Variants in ACER3 observed in about 807,000 individuals in gnomAD.
ACER3 encodes alkaline ceramidase 3.
ACER3 carries 16 observed loss-of-function variants against 48.9 expected under a neutral mutation model. That is an observed-to-expected ratio of 0.33 (90% CI 0.22 to 0.50). The LOEUF (loss-of-function observed/expected upper bound fraction) is 0.50. Among genes scored for constraint, ACER3 ranks in the 20% least tolerant of loss-of-function variants. The pLI is 0.98. For missense variants in ACER3, 227 were observed against 326.0 expected, an observed-to-expected ratio of 0.70 and a Z score of 2.34; for synonymous variants, 109 against 107.8, an observed-to-expected ratio of 1.01 and a Z score of -0.07.
intron 4 of ACER3, among the ~76,000 whole-genome samples, chr11:76,983,884 G>A (rs539037937): frequency 1.3e-5 from 2 of 151,686 alleles, no homozygotes; most frequent in African/African-American, 2.4e-5. Context: ...TCTGCCTCCC[G>A]GATTCACGCG....
chr11:76,890,366 A>T (rs1473647702), intron 1 of ACER3, among the ~76,000 whole-genome samples: 1 of 152,216 alleles, frequency 6.6e-6, no homozygotes, highest in East Asian at 1.9e-4. Flanking sequence ...CGCAGAGTCT[A>T]ATATAGATTA....
At chr11:76,990,479 C>T (rs370653527) in intron 5 of ACER3, 60 bp from the exon 6 acceptor site, 19 of 1,177,108 alleles carry the variant, frequency 1.6e-5, no homozygotes, top group African/African-American at 1.0e-4. Context: ...TAATTGGAGT[C>T]GGTTTTTCCC....
At chr11:76,901,626 GCAATTC>G (rs769381692) in intron 1 of ACER3, among the ~76,000 whole-genome samples, 70 of 152,304 alleles carry the variant, frequency 4.6e-4, no homozygotes, top group Non-Finnish European at 8.8e-4. Flanking sequence ...CCCCGAGTGA[GCAATTC>G]CTGTCCCTTT....
intron 1 of ACER3, chr11:76,868,411 G>GTGTGTGTGTA: frequency 1.8e-6 from 1 of 557,364 alleles, no homozygotes; most frequent in Admixed American, 3.7e-5. Context: ...GTGTGTGTGT[G>GTGTGTGTGTA]TGTGTGTGTG....
chr11:76,956,988 G>A (rs958576086), intron 2 of ACER3, among the ~76,000 whole-genome samples: 11 of 151,812 alleles, frequency 7.2e-5, no homozygotes, highest in Non-Finnish European at 1.3e-4. Flanking sequence ...ATTTAATGAC[G>A]CCCCTACTCA....
chr11:76,868,006 C>G, intron 1 of ACER3: 1 of 840,608 alleles, frequency 1.2e-6, no homozygotes, highest in South Asian at 1.7e-5. Flanking sequence ...CTTGCTGCTG[C>G]AGCACAAGAC....
At chr11:76,885,106 C>A (rs1283954607) in intron 1 of ACER3, among the ~76,000 whole-genome samples, 1 of 151,710 alleles carries the variant, frequency 6.6e-6, no homozygotes, top group Non-Finnish European at 1.5e-5. Context: ...TTTTAAAGTT[C>A]TTTTGGTTTG....
chr11:76,865,447 A>T (rs1014831845), intron 1 of ACER3, among the ~76,000 whole-genome samples: 13 of 151,512 alleles, frequency 8.6e-5, no homozygotes, highest in African/African-American at 3.2e-4. Flanking sequence ...CCTTTTCACC[A>T]CAACTACTTT....
chr11:76,908,386 AAGCAACTTC>A (rs1384594308), intron 1 of ACER3, among the ~76,000 whole-genome samples: 2 of 152,202 alleles, frequency 1.3e-5, no homozygotes, highest in Non-Finnish European at 2.9e-5. Context: ...TTAAGCTGAT[AAGCAACTTC>A]AGCAAAGTCT....
intron 2 of ACER3, among the ~76,000 whole-genome samples, chr11:76,950,490 CTCACTCTG>C (rs1947633636): frequency 6.8e-6 from 1 of 148,098 alleles, no homozygotes; most frequent in Non-Finnish European, 1.5e-5. Flanking sequence ...GAGGCAGGAT[CTCACTCTG>C]TCACTCTGGC....
At chr11:76,924,310 T>G (rs1450114954) in intron 1 of ACER3, among the ~76,000 whole-genome samples, 1 of 152,190 alleles carries the variant, frequency 6.6e-6, no homozygotes, top group Non-Finnish European at 1.5e-5. Flanking sequence ...TTCTTCATCT[T>G]GTGTGGAAAC....
rs1949470686 is a variant in ACER3 at position 77,021,435 on chromosome 11, AT to A, written c.*1109del. 6.6e-6 allele frequency: 1 copy of A among 152,208 alleles called. No individual in the cohort carries two copies. 9.4% of individuals were successfully genotyped at this position (152,208 alleles called of 1,614,324 possible). On this transcript the variant is annotated 3_prime_UTR_variant, in exon 11 of 11. Coordinates refer to ENST00000532485, the MANE Select transcript of ACER3 (RefSeq NM_018367.7). ...AGGGTGCTAAAAAAATGACAGTGAA[AT>A]CTCATCGTAAGGCAGCTAGTTCTAA...
chr11:76,898,921 A>T (rs1276004330), intron 1 of ACER3, among the ~76,000 whole-genome samples: 1 of 150,534 alleles, frequency 6.6e-6, no homozygotes, highest in Non-Finnish European at 1.5e-5. Flanking sequence ...AAAAAAAAAA[A>T]AAAAAAAAAA....
intron 1 of ACER3, among the ~76,000 whole-genome samples, chr11:76,877,183 A>C (rs1299740363): frequency 6.6e-6 from 1 of 152,192 alleles, no homozygotes; most frequent in African/African-American, 2.4e-5. Flanking sequence ...AATGAAAGCA[A>C]GTAAGTACCT....
At chr11:76,924,518 T>A (rs1057152644) in intron 1 of ACER3, among the ~76,000 whole-genome samples, 11 of 151,894 alleles carry the variant, frequency 7.2e-5, no homozygotes, top group African/African-American at 1.9e-4. Context: ...ATTTTTTTTT[T>A]ATTATTATTA....
chr11:76,860,993 A>G lies in ACER3; in HGVS notation c.17A>G (p.Asp6Gly). 1 of 1,540,740 alleles carries G rather than the reference A, an allele frequency of 6.5e-7. No homozygotes were observed. Among genetic ancestry groups the G allele is most frequent in the Non-Finnish European group, 8.7e-7 (1 of 1,143,614 alleles). The stretch of plus-strand genomic sequence containing the variant: ...GGCGGCGTGATGGCTCCGGCCGCGG[A>G]CCGAGAGGGCTACTGGGGCCCCACG... MAPAA[D>G]REGYWGPTTS... The change falls in exon 1 of 11, where the codon GAC becomes GGC. Residue 6 changes from aspartate (D) to glycine (G), a missense_variant. This residue lies in a region of ACER3 where 27 missense variants were observed against 18.1 expected (regional missense o/e 1.49). Coordinates refer to ENST00000532485, the MANE Select transcript of ACER3 (RefSeq NM_018367.7).
intron 1 of ACER3, among the ~76,000 whole-genome samples, chr11:76,916,927 CAG>C (rs1326597946): frequency 1.3e-5 from 2 of 152,124 alleles, no homozygotes; most frequent in African/African-American, 2.4e-5. Context: ...GCTGTTTGTA[CAG>C]AGTCATTCCC....
chr11:77,026,700 G>GT lies in ACER3; in HGVS notation c.*6374dup, dbSNP rs782660101. On this transcript the variant is annotated 3_prime_UTR_variant, in exon 11 of 11. Transcript: ENST00000532485. ...TTTTTCTAGAAAATAGTAGGATAAT[G>GT]TATTTTTTCCTGTCTGCTATAATGG... is the stretch of plus-strand genomic sequence containing the variant. 2 of 152,046 alleles carry GT rather than the reference G, an allele frequency of 1.3e-5. No homozygotes were observed. The highest frequency in any genetic ancestry group is 2.9e-5 in the Non-Finnish European group (2 of 68,026). 9.4% of individuals were successfully genotyped at this position (152,046 alleles called of 1,614,324 possible).
intron 1 of ACER3, among the ~76,000 whole-genome samples, chr11:76,914,755 G>T (rs36011822): frequency 6.6e-6 from 1 of 151,650 alleles, no homozygotes; most frequent in South Asian, 2.1e-4. Flanking sequence ...ACGTATGTTT[G>T]TTGTGGCACT....
Sources: allele counts gnomAD v4.1 joint callset (sites outside exome capture counted in the v4.1 genomes callset), GRCh38; gene constraint gnomAD v4.1.1; regional missense constraint gnomAD v4.1.1; transcripts MANE v1.5; gene names NCBI Gene and HGNC (gene_info 2026-07-23, HGNC 2026-07-21).